The following ITGB4 variants were observed in gnomAD, a reference collection of about 807,000 sequenced individuals.
ITGB4 encodes integrin subunit beta 4, also known as integrin beta-4.
In ITGB4, 159 loss-of-function variants were observed where a neutral mutation model predicts 207.6. The observed-to-expected ratio is 0.77, with a 90% CI of 0.67 to 0.87. The LOEUF (loss-of-function observed/expected upper bound fraction) is 0.87. Among genes scored for constraint, ITGB4 ranks in the 40% least tolerant of loss-of-function variants. The pLI, the probability that ITGB4 is intolerant of heterozygous loss-of-function variation, is 0.00. For synonymous variants in ITGB4, 1,020 were observed against 1,062.7 expected, an observed-to-expected ratio of 0.96 and a Z score of 0.78; for missense variants, 2,278 against 2,546.8, an observed-to-expected ratio of 0.89 and a Z score of 2.27.
intron 33 of ITGB4, 88 bp from the exon 34 acceptor site, chr17:75,754,488 G>A: frequency 6.4e-7 from 1 of 1,560,058 alleles, no homozygotes; most frequent in Non-Finnish European, 8.8e-7. Context: ...CAGAGGGTGG[G>A]TGACCAGGAA....
rs2061337184 is a variant in ITGB4, at chr17:75,750,266, A to C, written c.3472A>C (p.Arg1158=). 5.0e-6 allele frequency: 8 copies of C among 1,609,932 alleles called. No homozygotes were observed. Among genetic ancestry groups the C allele is most frequent in the Non-Finnish European group, 6.8e-6 (8 of 1,177,294 alleles). The change falls in exon 28 of 40, where the codon AGG becomes CGG. Residue 1158 remains arginine, a splice_region_variant and synonymous_variant. Coordinates refer to ENST00000200181, the MANE Select transcript of ITGB4 (RefSeq NM_000213.5). The surrounding 1 kb of genome is among the most constrained non-coding windows in gnomAD (Gnocchi z 5.5). ...LPPSGKPMGY[R]VKYWIQGDSE... ...CCCTTCTGGCAAGCCAATGGGGTAC[A>C]GGGTAAGGCGGGGGGCTGAGGGTCA...
chr17:75,733,890 C>T (rs547511471), intron 13 of ITGB4, among the ~76,000 whole-genome samples, 198 bp downstream of exon 13: 41 of 152,294 alleles, frequency 2.7e-4, no homozygotes, highest in African/African-American at 8.9e-4. Context: ...TCATCTGTAA[C>T]GTCCATGCCC....
At position 75,738,397 on chromosome 17, in the gene ITGB4, G is replaced by A. The variant is rs146061447; in HGVS notation, c.2220+753G>A. ...CATGTCCACGTGACTCCATTTCCCC[G>A]CCCCCCATCACCCCATGAGGTCAGT... On this transcript the variant is annotated intron_variant, in intron 18 of 39. Coordinates refer to ENST00000200181, the MANE Select transcript of ITGB4 (RefSeq NM_000213.5). Among the ~76,000 whole-genome samples the A allele has an allele frequency of 2.1e-3, 320 of 152,184 alleles. 1 individual carries two copies. Among genetic ancestry groups the A allele is most frequent in the African/African-American group, 7.2e-3 (297 of 41,498 alleles).
Position 75,750,956 on chromosome 17 carries a change from G to A in ITGB4, c.3656-18G>A, listed in dbSNP as rs768598305. 8.1e-6 allele frequency: 13 copies of A among 1,613,536 alleles called. No homozygotes were observed. The highest frequency in any genetic ancestry group is 1.1e-5 in the South Asian group (1 of 91,082). On this transcript the variant is annotated intron_variant, in intron 29 of 39. Coordinates refer to ENST00000200181, the MANE Select transcript of ITGB4 (RefSeq NM_000213.5). This position sits in a 1 kb window ranked among gnomAD's most constrained non-coding sequence, Gnocchi z 5.5. ...CTCTGCCACTGACAGCACTCTTCCT[G>A]TATTCCCCGCTCCCTAGTGCCCAGC...
At chr17:75,749,959 A>G in intron 27 of ITGB4, 152 bp from the exon 28 acceptor site, 1 of 954,686 alleles carries the variant, frequency 1.0e-6, no homozygotes, top group South Asian at 1.3e-5. Flanking sequence ...TGTGGCAGCA[A>G]TGGGGCACCA....
intron 26 of ITGB4, among the ~76,000 whole-genome samples, chr17:75,745,459 T>C (rs1024290138): frequency 6.6e-6 from 1 of 152,006 alleles, no homozygotes; most frequent in African/African-American, 2.4e-5. Flanking sequence ...CCTGGCTCAG[T>C]GCAGTAGCTC....
rs771612802 is a variant in ITGB4 at position 75,756,518 on chromosome 17, G to T, written c.4798G>T (p.Val1600Leu). 2 of 1,613,214 alleles carry T rather than the reference G, an allele frequency of 1.2e-6. No individual in the cohort carries two copies. Among genetic ancestry groups the T allele is most frequent in the East Asian group, 2.2e-5 (1 of 44,898 alleles). The change falls in exon 36 of 40, where the codon GTG becomes TTG. Residue 1600 changes from valine to leucine, a missense_variant. Transcript: ENST00000200181. ...LLPNHSYVFR[V>L]RAQSQEGWGR... Reference sequence around the variant, plus strand: ...GCCCAACCACTCCTACGTGTTCCGCGTGCGGGCCCAGAGCCAGGAAGGCTG... The same window carrying T: ...GCCCAACCACTCCTACGTGTTCCGCTTGCGGGCCCAGAGCCAGGAAGGCTG...
In ITGB4 at chr17:75,755,774, CAG is replaced by C. The variant is rs1178371226; in HGVS notation, c.4635_4636del (p.Arg1545SerfsTer26). On this transcript the variant is annotated frameshift_variant, in exon 35 of 40. Transcript: ENST00000200181. LOFTEE classifies it high-confidence loss of function. ...TCTCTGCCCTGGGGCCCACATCTCT[CAG>C]AGTGAGCTGGCAGGAGCCGCGGTGC... ...VFSALGPTSLRVSWQEPRCER... is the reference protein window; with the variant it reads ...VFSALGPTSLXVSWQEPRCER... 4 of 1,612,544 alleles carry C rather than the reference CAG, an allele frequency of 2.5e-6. No homozygotes were observed. In the African/African-American group the frequency reaches 5.3e-5, roughly 22 times the overall value.
In ITGB4 at chr17:75,750,938, AC is replaced by A; in HGVS notation, c.3656-35del. ...ATGCCCAGACCTCCCTCCCTCTGCC[AC>A]TGACAGCACTCTTCCTGTATTCCCC... is the stretch of plus-strand genomic sequence containing the variant. On this transcript the variant is annotated intron_variant, in intron 29 of 39. Transcript: ENST00000200181. The surrounding 1 kb of genome is among the most constrained non-coding windows in gnomAD (Gnocchi z 5.5). 1 of 1,613,426 alleles carries A rather than the reference AC, an allele frequency of 6.2e-7. No individual in the cohort carries two copies. The highest frequency in any genetic ancestry group is 8.5e-7 in the Non-Finnish European group (1 of 1,179,986).
In ITGB4 at chr17:75,722,757, C is replaced by CTGTGTGTGTGTG. The variant is rs55981241; in HGVS notation, c.-11+1169_-11+1180dup. On this transcript the variant is annotated intron_variant, in intron 1 of 39. Coordinates refer to ENST00000200181, the MANE Select transcript of ITGB4 (RefSeq NM_000213.5). The surrounding 1 kb of genome is among the most constrained non-coding windows in gnomAD (Gnocchi z 6.2). The stretch of plus-strand genomic sequence containing the variant: ...GAGCCTGTGGGTGGGTGGGCATGGC[C>CTGTGTGTGTGTG]TGTGTGTGTGTGTGTGTGTGTGTGT... Among the ~76,000 whole-genome samples the CTGTGTGTGTGTG allele has an allele frequency of 2.0e-4, 27 of 135,162 alleles. No individual in the cohort carries two copies. The highest frequency in any genetic ancestry group is 9.1e-4 in the East Asian group (4 of 4,412). The allele number at this position is 135,162 out of a possible 152,430, so 88.7% of individuals were successfully genotyped here. A position where few individuals can be genotyped will look rare whatever the true frequency, so the allele number is the denominator to read the frequency against.
At position 75,736,577 on chromosome 17, in the gene ITGB4, CT is replaced by C; in HGVS notation, c.1874del (p.Leu625ProfsTer144). On this transcript the variant is annotated frameshift_variant, in exon 16 of 40. Transcript: ENST00000200181. LOFTEE classifies it high-confidence loss of function. ...TTTCCCCGCCAAGATCCACCCGGGC[CT>C]CTGCGAGGACCTACGCTCCTGCGTG... ...EINYSAIHPG[L>X]CEDLRSCVQC... 1 of 1,600,946 alleles carries C rather than the reference CT, an allele frequency of 6.2e-7. No individual in the cohort carries two copies. The highest frequency in any genetic ancestry group is 8.5e-7 in the Non-Finnish European group (1 of 1,174,322).
In ITGB4 at chr17:75,727,733, G is replaced by C; in HGVS notation, c.347G>C (p.Arg116Pro). Residue 116 changes from arginine to proline, a missense_variant, in exon 5 of 40, where the codon CGG (arginine) becomes CCG (proline). By Grantham distance (103) the Arg-to-Pro change is moderately radical. Coordinates refer to ENST00000200181, the MANE Select transcript of ITGB4 (RefSeq NM_000213.5). This position sits in a 1 kb window ranked among gnomAD's most constrained non-coding sequence, Gnocchi z 6.0. ...GTCCGTCTGCGGCCCGGTGAGGAGC[G>C]GCATTTTGAGCTGGAGGTGTTTGAG... ...LRVRLRPGEE[R>P]HFELEVFEPL... 1 of 1,613,864 alleles carries C rather than the reference G, an allele frequency of 6.2e-7. No individual in the cohort carries two copies. Among genetic ancestry groups the C allele is most frequent in the Non-Finnish European group, 8.5e-7 (1 of 1,179,990 alleles).
intron 2 of ITGB4, among the ~76,000 whole-genome samples, chr17:75,726,784 A>G (rs1470184695): frequency 6.6e-6 from 1 of 150,614 alleles, no homozygotes; most frequent in Non-Finnish European, 1.5e-5. Context: ...ACCAAAATAA[A>G]TACATAAGGC....
At position 75,753,967 on chromosome 17, in the gene ITGB4, C is replaced by A; in HGVS notation, c.4311C>A (p.Pro1437=). ...GSLPRSATPG[P]PGEHLVNGRM... The stretch of plus-strand genomic sequence containing the variant: ...TGCCCCGCAGTGCGACACCCGGGCC[C>A]CCCGGAGGTGACAGGCTCACCCGCC... Residue 1437 remains proline (P), a synonymous_variant, in exon 33 of 40, where the codon CCC becomes CCA. Transcript: ENST00000200181. 1 of 1,262,024 alleles carries A rather than the reference C, an allele frequency of 7.9e-7. No homozygotes were observed. The highest frequency in any genetic ancestry group is 9.9e-7 in the Non-Finnish European group (1 of 1,007,184). 78.2% of individuals were successfully genotyped at this position (1,262,024 alleles called of 1,614,324 possible). A position where few individuals can be genotyped will look rare whatever the true frequency, so the allele number is the denominator to read the frequency against.
At chr17:75,734,533 G>T (rs1397873918) in intron 13 of ITGB4, among the ~76,000 whole-genome samples, 1 of 152,112 alleles carries the variant, frequency 6.6e-6, no homozygotes, top group Non-Finnish European at 1.5e-5. Flanking sequence ...ATACAGTCTG[G>T]CCAGGAACAT....
intron 26 of ITGB4, among the ~76,000 whole-genome samples, chr17:75,744,525 C>A (rs2143202927): frequency 6.6e-6 from 1 of 152,302 alleles, no homozygotes; most frequent in South Asian, 2.1e-4. Context: ...TGGAGATAAA[C>A]TCCCCCTATA....
chr17:75,731,357 C>CG lies in ITGB4; in HGVS notation c.1210dup (p.Glu404GlyfsTer13), dbSNP rs745545992. On this transcript the variant is annotated frameshift_variant, in exon 10 of 40. Transcript: ENST00000200181. LOFTEE classifies it high-confidence loss of function. This position sits in a 1 kb window ranked among gnomAD's most constrained non-coding sequence, Gnocchi z 6.8. Reference sequence around the variant, plus strand: ...GAGGACTGGGTCCTTTCACATCCGGCGGGGGGAAGTGGTACGCCTCTGTGG... The same window carrying CG: ...GAGGACTGGGTCCTTTCACATCCGGCGGGGGGGAAGTGGTACGCCTCTGTGG... 6.2e-7 allele frequency: 1 copy of CG among 1,608,668 alleles called. No homozygotes were observed.
chr17:75,732,299 G>C lies in ITGB4; in HGVS notation c.1454+60G>C. The C allele has an allele frequency of 6.5e-7, 1 of 1,530,324 alleles. No individual in the cohort carries two copies. Among genetic ancestry groups the C allele is most frequent in the Non-Finnish European group, 9.1e-7 (1 of 1,104,862 alleles). 94.8% of individuals were successfully genotyped at this position (1,530,324 alleles called of 1,614,324 possible). On this transcript the variant is annotated intron_variant, in intron 12 of 39. Transcript: ENST00000200181. This position sits in a 1 kb window ranked among gnomAD's most constrained non-coding sequence, Gnocchi z 5.3. ...CAGTGGCCCCTGATGGGAAAGCTGG[G>C]CTCCTGCAGGGGCCTGGCCCTGGGT...
At chr17:75,745,032 A>G (rs1012203627) in intron 26 of ITGB4, among the ~76,000 whole-genome samples, 2 of 152,058 alleles carry the variant, frequency 1.3e-5, no homozygotes, top group African/African-American at 4.8e-5. Flanking sequence ...CCCAAAGTGC[A>G]GGGATTACAG....
Sources: gnomAD v4.1 joint callset for allele counts (sites outside exome capture counted in the v4.1 genomes callset) on GRCh38, gnomAD v4.1.1 for gene constraint, Gnocchi (gnomAD v3.1) non-coding constraint, MANE v1.5 for transcripts, NCBI Gene and HGNC (gene_info 2026-07-23, HGNC 2026-07-21) for gene names.